Variants in NCKIPSD observed in about 807,000 individuals in gnomAD.
The protein encoded by NCKIPSD is NCK-interacting protein with SH3 domain.
Under a neutral mutation model 73.4 loss-of-function variants are expected in NCKIPSD, and 48 were observed. The observed-to-expected ratio is 0.65, with a 90% confidence interval of 0.52 to 0.83. The LOEUF is 0.83. NCKIPSD is among the 40% of genes least tolerant of loss of function. The pLI is 0.00. For synonymous variants in NCKIPSD, 422 were observed against 403.6 expected (o/e 1.05, Z -0.54); for missense variants, 884 against 970.2 (o/e 0.91, Z 1.18).
intron 1 of NCKIPSD, 30 bp downstream of exon 1, chr3:48,685,607 C>T: frequency 6.6e-7 from 1 of 1,506,328 alleles, no homozygotes; most frequent in Non-Finnish European, 8.8e-7. Context: ...CCCAGGGGCG[C>T]GGAGGCCGGG....
chr3:48,676,908 T>C (rs1033216075), intron 12 of NCKIPSD, among the ~76,000 whole-genome samples: 5 of 151,862 alleles, frequency 3.3e-5, no homozygotes, highest in African/African-American at 4.8e-5. Context: ...GTAGGTGGGA[T>C]TACAGGCTCC....
In NCKIPSD at chr3:48,683,014, T is replaced by TG. The variant is rs768132931; in HGVS notation, c.172-3dup. ...CTGGAGGACATCCTGCTCCAGGCCC[T>TG]GGGGGGGGCAGGGGACAGCAGTTAG... On this transcript the variant is annotated splice_polypyrimidine_tract_variant and splice_region_variant and intron_variant, in intron 1 of 12. Transcript: ENST00000294129. 1,009 of 1,535,278 alleles carry TG rather than the reference T, an allele frequency of 6.6e-4. 1 individual carries two copies. Among genetic ancestry groups the TG allele is most frequent in the Non-Finnish European group, 6.5e-4 (736 of 1,137,086 alleles).
At chr3:48,684,297 G>A (rs945182683) in intron 1 of NCKIPSD, among the ~76,000 whole-genome samples, 1 of 152,196 alleles carries the variant, frequency 6.6e-6, no homozygotes, top group Non-Finnish European at 1.5e-5. Context: ...TTGCCCCACT[G>A]GTCCTGGCTG....
At chr3:48,679,964 T>A (rs2077323810) in intron 6 of NCKIPSD, 77 bp from the exon 7 acceptor site, 2 of 1,611,774 alleles carry the variant, frequency 1.2e-6, no homozygotes, top group East Asian at 4.5e-5. Context: ...GCTGAGCACA[T>A]ATGTGTAGGG....
At chr3:48,684,669 C>G (rs534817494) in intron 1 of NCKIPSD, among the ~76,000 whole-genome samples, 44 of 152,336 alleles carry the variant, frequency 2.9e-4, no homozygotes, top group Middle Eastern at 3.4e-3. Flanking sequence ...CCTTCTTCCC[C>G]CTGTGGTCAG....
chr3:48,679,989 T>C (rs751764011), intron 6 of NCKIPSD, 70 bp downstream of exon 6: 16 of 1,605,076 alleles, frequency 1.0e-5, no homozygotes, highest in Non-Finnish European at 1.4e-5. Flanking sequence ...CTCCTAGCAC[T>C]GTGAGGGATG....
rs961580628 is a variant in NCKIPSD, at chr3:48,682,100, T to C, written c.543A>G (p.Thr181=). 1.2e-6 allele frequency: 2 copies of C among 1,600,692 alleles called. No homozygotes were observed. The highest frequency in any genetic ancestry group is 1.1e-5 in the South Asian group (1 of 90,932). ...CTCGGCGCTTCACTGGTGGGGGCGG[T>C]GTGGTGGGTGCTGCTCGGCGAGGCT... is the stretch of plus-strand genomic sequence containing the variant. ...PPQPRRAAPT[T]PPPPVKRRDR... Residue 181 remains threonine, a synonymous_variant, in exon 4 of 13, where the codon ACA becomes ACG. Coordinates refer to ENST00000294129, the MANE Select transcript of NCKIPSD (RefSeq NM_016453.4).
rs747478609 is a variant in NCKIPSD at position 48,674,523 on chromosome 3, G to T, written c.*21C>A. ...CCCTGCACACTGACTGGAGCTGCAG[G>T]GAAGGGAGGACAGCAAGGTGCTAGC... On this transcript the variant is annotated 3_prime_UTR_variant, in exon 13 of 13. Transcript: ENST00000294129. 19 of 1,568,096 alleles carry T rather than the reference G, an allele frequency of 1.2e-5. No homozygotes were observed. The highest frequency in any genetic ancestry group is 2.4e-5 in the East Asian group (1 of 42,488).
rs571856240 is a variant in NCKIPSD, at chr3:48,682,063, G to C, written c.580C>G (p.Leu194Val). The change falls in exon 4 of 13, where the codon CTG becomes GTG. Residue 194 changes from leucine (L) to valine (V), a missense_variant. Leu to Val is a conservative substitution (Grantham distance 32). Coordinates refer to ENST00000294129, the MANE Select transcript of NCKIPSD (RefSeq NM_016453.4). ...PPVKRRDREA[L>V]MASGSGGHNT... ...TTCTTACCACTCCCAGAGGCCATCA[G>C]GGCCTCGCGGTCTCGGCGCTTCACT... 1 of 1,601,400 alleles carries C rather than the reference G, an allele frequency of 6.2e-7. No homozygotes were observed. The highest frequency in any genetic ancestry group is 1.3e-5 in the African/African-American group (1 of 75,042).
In NCKIPSD at chr3:48,678,684, G is replaced by A; in HGVS notation, c.1845C>T (p.Leu615=). Reference sequence around the variant, plus strand: ...TGCCAAACACGTCCTGCAGGAACTTGAGGACAGAGTGTGGTGGCTGTGGCT... The same window carrying A: ...TGCCAAACACGTCCTGCAGGAACTTAAGGACAGAGTGTGGTGGCTGTGGCT... ...KHEPQPPHSV[L]KFLQDVFGSP... The change falls in exon 12 of 13, where the codon CTC becomes CTT. Residue 615 remains leucine, a synonymous_variant. Transcript: ENST00000294129. 3.7e-6 allele frequency: 6 copies of A among 1,614,208 alleles called. No homozygotes were observed. Among genetic ancestry groups the A allele is most frequent in the Non-Finnish European group, 5.1e-6 (6 of 1,180,038 alleles).
chr3:48,678,728 C>G lies in NCKIPSD; in HGVS notation c.1801G>C (p.Val601Leu). 1 of 1,613,338 alleles carries G rather than the reference C, an allele frequency of 6.2e-7. No individual in the cohort carries two copies. The highest frequency in any genetic ancestry group is 8.5e-7 in the Non-Finnish European group (1 of 1,179,598). ...LLLLNRGDDP[V>L]RIFKHEPQPP... is the part of the protein sequence containing the mutation. ...TGTGGCTCATGTTTGAAGATGCGCA[C>G]AGGGTCATCTAGGAGGCAGGGGTCA... is the stretch of plus-strand genomic sequence containing the variant. The change falls in exon 12 of 13, where the codon GTG becomes CTG. Residue 601 changes from valine (V) to leucine (L), a missense_variant. Val to Leu is a conservative substitution (Grantham distance 32, BLOSUM62 1). Transcript: ENST00000294129.
At chr3:48,685,500 G>A in intron 1 of NCKIPSD, 137 bp downstream of exon 1, 1 of 1,155,206 alleles carries the variant, frequency 8.7e-7, no homozygotes, top group Non-Finnish European at 1.2e-6. Flanking sequence ...CTCAGGGTCA[G>A]GTTCTCAAAC....
rs750566545 is a variant in NCKIPSD, at chr3:48,682,390, T to C, written c.444A>G (p.Leu148=). The change falls in exon 3 of 13, where the codon CTA becomes CTG. Residue 148 remains leucine (L), a synonymous_variant. Transcript: ENST00000294129. ...CTGCCCCAAGATGCTCAGAACTGGG[T>C]AGGCTGTGCTGCCGCTCGAACCCAG... The part of the protein sequence containing the change: ...CRAGFERQHS[L]PSSEHLGADG... 1 of 1,614,074 alleles carries C rather than the reference T, an allele frequency of 6.2e-7. No homozygotes were observed. Among genetic ancestry groups the C allele is most frequent in the South Asian group, 1.1e-5 (1 of 91,076 alleles).
intron 1 of NCKIPSD, 122 bp downstream of exon 1, chr3:48,685,513 CCT>C: frequency 8.0e-7 from 1 of 1,248,346 alleles, no homozygotes; most frequent in Non-Finnish European, 1.1e-6. Context: ...TCTCAAACTC[CCT>C]GTCTGATAGA....
rs770739703 is a variant in NCKIPSD, at chr3:48,674,683, C to T, written c.2030G>A (p.Arg677His). Residue 677 changes from arginine to histidine, a missense_variant, in exon 13 of 13, where the codon CGC (arginine) becomes CAC (histidine). Arg to His is a conservative substitution (Grantham distance 29). Transcript: ENST00000294129. Reference protein sequence around the residue: ...IVRTTPYLQHRHRLPDLQAIL... With the variant: ...IVRTTPYLQHHHRLPDLQAIL... ...GGCCTGCAGGTCGGGTAGCCGGTGG[C>T]GGTGCTGCAGGTAGGGTGTGGTGCG... 3.1e-6 allele frequency: 5 copies of T among 1,613,926 alleles called. No homozygotes were observed. Among genetic ancestry groups the T allele is most frequent in the African/African-American group, 1.3e-5 (1 of 74,896 alleles).
At chr3:48,682,857 C>T in intron 2 of NCKIPSD, 46 bp downstream of exon 2, 2 of 1,525,998 alleles carry the variant, frequency 1.3e-6, no homozygotes, top group African/African-American at 1.4e-5. Flanking sequence ...AACCCCACCC[C>T]ACCATGCTCA....
At chr3:48,680,805 A>C (rs2077338676) in intron 5 of NCKIPSD, among the ~76,000 whole-genome samples, 1 of 150,724 alleles carries the variant, frequency 6.6e-6, no homozygotes, top group African/African-American at 2.4e-5. Context: ...CACACACCTC[A>C]CTCCCTCTCA....
chr3:48,680,951 G>A (rs1159809457), intron 5 of NCKIPSD, among the ~76,000 whole-genome samples: 2 of 152,026 alleles, frequency 1.3e-5, no homozygotes, highest in Non-Finnish European at 2.9e-5. Flanking sequence ...TTGGCCACCC[G>A]CATGTCGTCT....
chr3:48,678,602 T>C lies in NCKIPSD; in HGVS notation c.1927A>G (p.Thr643Ala), dbSNP rs746060170. 2.5e-6 allele frequency: 4 copies of C among 1,614,046 alleles called. No homozygotes were observed. Among genetic ancestry groups the C allele is most frequent in the African/African-American group, 2.7e-5 (2 of 75,044 alleles). The change falls in exon 12 of 13, where the codon ACT (threonine) becomes GCT (alanine). Residue 643 changes from threonine to alanine, a missense_variant. Physicochemically the swap from Thr to Ala is moderately conservative, Grantham distance 58. Coordinates refer to ENST00000294129, the MANE Select transcript of NCKIPSD (RefSeq NM_016453.4). ...HTDMMALIDITVRHIADLSPG... is the reference protein window; with the variant it reads ...HTDMMALIDIAVRHIADLSPG... ...GACAGGTCTGCGATGTGCCGCACAG[T>C]GATGTCAATGAGAGCCATCATGTCT...
Sources: gnomAD v4.1 joint callset for allele counts (sites outside exome capture counted in the v4.1 genomes callset) on GRCh38, gnomAD v4.1.1 for gene constraint, MANE v1.5 for transcripts, NCBI Gene and HGNC (gene_info 2026-07-23, HGNC 2026-07-21) for gene names.